The following KCNH8 variants were observed in gnomAD, a reference collection of about 807,000 sequenced individuals.
KCNH8 encodes potassium voltage-gated channel subfamily H member 8, also known as voltage-gated delayed rectifier potassium channel KCNH8.
A neutral mutation model predicts 103.6 loss-of-function variants in KCNH8; 70 were observed. The ratio of observed to expected loss-of-function variants is 0.68; its 90% CI spans 0.56 to 0.82. The LOEUF (loss-of-function observed/expected upper bound fraction) is 0.82. Ranked by LOEUF, KCNH8 falls within the 40% of genes least tolerant of loss-of-function variation. The pLI, the probability that KCNH8 is intolerant of heterozygous loss-of-function variation, is 0.00. For missense variants in KCNH8, 1,217 were observed against 1,329.9 expected (o/e 0.92, Z 1.32); for synonymous variants, 498 against 489.4 (o/e 1.02, Z -0.23).
intron 3 of KCNH8, among the ~76,000 whole-genome samples, chr3:19,329,048 A>G (rs751161466): frequency 4.6e-5 from 7 of 152,192 alleles, no homozygotes; most frequent in Non-Finnish European, 5.9e-5. Flanking sequence ...TTTAATAAAT[A>G]CATCACTACA....
At chr3:19,502,928 G>T (rs62276985) in intron 11 of KCNH8, among the ~76,000 whole-genome samples, 1 of 151,964 alleles carries the variant, frequency 6.6e-6, no homozygotes, top group South Asian at 2.1e-4. Context: ...TTGACAAATG[G>T]GATCTAACTA....
chr3:19,439,571 A>G (rs2067248622), intron 8 of KCNH8, among the ~76,000 whole-genome samples: 1 of 152,200 alleles, frequency 6.6e-6, no homozygotes, highest in African/African-American at 2.4e-5. Context: ...TAAGAGCACC[A>G]AGTGAGCAAG....
chr3:19,251,541 A>C (rs2064277891), intron 1 of KCNH8, among the ~76,000 whole-genome samples: 1 of 152,118 alleles, frequency 6.6e-6, no homozygotes, highest in Admixed American at 6.5e-5. Context: ...ATGGTGGACT[A>C]TGTTTGGAAA....
chr3:19,339,946 G>C (rs1354432780), intron 3 of KCNH8, among the ~76,000 whole-genome samples: 1 of 151,988 alleles, frequency 6.6e-6, no homozygotes, highest in Admixed American at 6.6e-5. Context: ...TAAGAGACTT[G>C]GTTCTGTGTG....
intron 3 of KCNH8, among the ~76,000 whole-genome samples, chr3:19,332,912 T>C (rs1030115248): frequency 6.6e-6 from 1 of 152,116 alleles, no homozygotes. Flanking sequence ...GGATTACAAG[T>C]GTGAGCCATT....
chr3:19,181,014 A>T (rs540173103), intron 1 of KCNH8, among the ~76,000 whole-genome samples: 1 of 152,282 alleles, frequency 6.6e-6, no homozygotes, highest in Admixed American at 6.5e-5. Flanking sequence ...AGATGGCCTG[A>T]ATATTATCAT....
At chr3:19,383,240 C>A (rs2066310950) in intron 5 of KCNH8, among the ~76,000 whole-genome samples, 1 of 152,130 alleles carries the variant, frequency 6.6e-6, no homozygotes, top group African/African-American at 2.4e-5. Flanking sequence ...AATTAAAATG[C>A]AAAGAGCTAT....
chr3:19,223,490 CG>C (rs1220808440), intron 1 of KCNH8, among the ~76,000 whole-genome samples: 1 of 151,998 alleles, frequency 6.6e-6, no homozygotes, highest in Non-Finnish European at 1.5e-5. Flanking sequence ...ATCATTCCAA[CG>C]GTTTTCCTCT....
In KCNH8 at chr3:19,148,692, A is replaced by G. The variant is rs374071422; in HGVS notation, c.-28A>G. 3 of 1,610,044 alleles carry G rather than the reference A, an allele frequency of 1.9e-6. No individual in the cohort carries two copies. The highest frequency in any genetic ancestry group is 2.7e-5 in the African/African-American group (2 of 74,792). ...GAACCATCCTTCTGGACAAACTTTG[A>G]TGGAGAATTTCACACCACGCTGGAA... On this transcript the variant is annotated 5_prime_UTR_variant, in exon 1 of 16. An upstream start codon of the reference 5' UTR is lost. Transcript: ENST00000328405.
At chr3:19,322,933 C>A (rs1038993002) in intron 3 of KCNH8, among the ~76,000 whole-genome samples, 1 of 151,990 alleles carries the variant, frequency 6.6e-6, no homozygotes, top group African/African-American at 2.4e-5. Context: ...ATTCAAATGC[C>A]TTGTCTTCAA....
At chr3:19,476,565 G>T (rs966592520) in intron 11 of KCNH8, among the ~76,000 whole-genome samples, 1 of 152,058 alleles carries the variant, frequency 6.6e-6, no homozygotes, top group Non-Finnish European at 1.5e-5. Flanking sequence ...TGGGGGGCAT[G>T]GGATCTCAGC....
rs559774727 is a variant in KCNH8 at position 19,509,246 on chromosome 3, T to TA, written c.2041-1115dup. 6.6e-5 allele frequency among the ~76,000 whole-genome samples: 10 copies of TA among 152,286 alleles called. No homozygotes were observed. The South Asian group carries it at 2.1e-3, about 32-fold the overall frequency. The stretch of plus-strand genomic sequence containing the variant: ...GATGAAACATATATTTGCACAGCAA[T>TA]AATGATCCTGGCATTTGTATAAATA... On this transcript the variant is annotated intron_variant, in intron 11 of 15. Transcript: ENST00000328405.
chr3:19,344,070 C>A (rs1575542665), intron 4 of KCNH8, among the ~76,000 whole-genome samples: 1 of 151,522 alleles, frequency 6.6e-6, no homozygotes, highest in East Asian at 2.0e-4. Flanking sequence ...CCTGGGAGTC[C>A]AGGGAGAGGC....
At chr3:19,169,359 C>G (rs1332816142) in intron 1 of KCNH8, among the ~76,000 whole-genome samples, 1 of 150,256 alleles carries the variant, frequency 6.7e-6, no homozygotes, top group African/African-American at 2.5e-5. Context: ...CCCGGGTTCA[C>G]GCCATTCTCC....
At chr3:19,455,351 C>T (rs145445337) in intron 10 of KCNH8, among the ~76,000 whole-genome samples, 13 of 152,196 alleles carry the variant, frequency 8.5e-5, no homozygotes, top group East Asian at 5.8e-4. Context: ...TATAACTAAA[C>T]GTAAGTTATA....
intron 11 of KCNH8, among the ~76,000 whole-genome samples, chr3:19,488,945 G>A (rs913682980): frequency 2.0e-5 from 3 of 152,168 alleles, no homozygotes; most frequent in African/African-American, 7.2e-5. Flanking sequence ...AGGCTTTTTG[G>A]TATAAGGTGG....
chr3:19,490,088 C>A (rs993821456), intron 11 of KCNH8, among the ~76,000 whole-genome samples: 5 of 152,214 alleles, frequency 3.3e-5, no homozygotes, highest in African/African-American at 1.2e-4. Context: ...AAATGCCTAC[C>A]CGAGAGTGCT....
intron 7 of KCNH8, among the ~76,000 whole-genome samples, chr3:19,400,855 T>G (rs952691354): frequency 2.0e-5 from 3 of 151,978 alleles, no homozygotes; most frequent in African/African-American, 7.2e-5. Context: ...GCTGATTACT[T>G]CAGTAACTGC....
At chr3:19,326,382 T>TATATATATATATATAA (rs879457927) in intron 3 of KCNH8, among the ~76,000 whole-genome samples, 19 of 142,544 alleles carry the variant, frequency 1.3e-4, no homozygotes, top group African/African-American at 3.9e-4. Context: ...TATATATATA[T>TATATATATATATATAA]AATAAATGAT....
Sources: gnomAD v4.1 joint callset for allele counts (sites outside exome capture counted in the v4.1 genomes callset) on GRCh38, gnomAD v4.1.1 for gene constraint, MANE v1.5 for transcripts, NCBI Gene and HGNC (gene_info 2026-07-23, HGNC 2026-07-21) for gene names.